The following RIPK2 variants were observed in gnomAD, a reference collection of about 807,000 sequenced individuals.
The protein encoded by RIPK2 is receptor-interacting serine/threonine-protein kinase 2.
RIPK2 carries 38 observed loss-of-function variants against 60.9 expected under a neutral mutation model. The observed-to-expected ratio is 0.62, with a 90% CI of 0.48 to 0.82. The LOEUF is 0.82. Among genes scored for constraint, RIPK2 ranks in the 40% least tolerant of loss-of-function variants. The pLI is 0.00. For missense variants in RIPK2, 518 were observed against 647.0 expected, an observed-to-expected ratio of 0.80 and a Z score of 2.16; for synonymous variants, 225 against 223.4, an observed-to-expected ratio of 1.01 and a Z score of -0.06.
intron 9 of RIPK2, among the ~76,000 whole-genome samples, chr8:89,787,604 T>C (rs1166223070): frequency 1.3e-5 from 2 of 152,212 alleles, no homozygotes; most frequent in Admixed American, 6.5e-5. Flanking sequence ...TTGGTTTAGC[T>C]AGTAAAGAAG....
intron 6 of RIPK2, among the ~76,000 whole-genome samples, chr8:89,775,720 G>A (rs1277505231): frequency 1.3e-5 from 2 of 152,154 alleles, no homozygotes; most frequent in East Asian, 3.8e-4. Context: ...CAAGAAGTTT[G>A]TAGATCTGGT....
At chr8:89,765,900 G>C (rs1417587025) in intron 3 of RIPK2, among the ~76,000 whole-genome samples, 1 of 151,692 alleles carries the variant, frequency 6.6e-6, no homozygotes, top group African/African-American at 2.4e-5. Flanking sequence ...CCAGGAATTT[G>C]ACATTAGTAC....
intron 2 of RIPK2, among the ~76,000 whole-genome samples, chr8:89,764,475 C>T (rs1809194560): frequency 6.6e-6 from 1 of 152,140 alleles, no homozygotes; most frequent in African/African-American, 2.4e-5. Flanking sequence ...TCAGTAGAAG[C>T]AGTCTTTTTC....
chr8:89,788,359 A>G (rs1809621115), intron 9 of RIPK2, among the ~76,000 whole-genome samples: 1 of 151,198 alleles, frequency 6.6e-6, no homozygotes. Context: ...AAAAAAAAAA[A>G]GTTAAAACAA....
Position 89,789,389 on chromosome 8 carries a change from AT to A in RIPK2, c.1195del (p.Ser399LeufsTer20). On this transcript the variant is annotated frameshift_variant, in exon 10 of 11. Transcript: ENST00000220751. LOFTEE classifies it high-confidence loss of function. ...TGGAAATCACAGTTGGGATAGCACC[AT>A]TTCTGGATCTCAAAGGGCTGCATTC... is the stretch of plus-strand genomic sequence containing the variant. ...CPGNHSWDST[I>X]SGSQRAAFCD... The A allele has an allele frequency of 6.2e-7, 1 of 1,614,082 alleles. No homozygotes were observed. The highest frequency in any genetic ancestry group is 8.5e-7 in the Non-Finnish European group (1 of 1,179,974).
intron 7 of RIPK2, among the ~76,000 whole-genome samples, chr8:89,783,675 G>T (rs10100184): frequency 0.19 from 28,308 of 152,030 alleles, 3,893 homozygotes; most frequent in African/African-American, 0.39. Context: ...ACTATAGATA[G>T]ACATACAATC....
chr8:89,769,612 A>G (rs1432827154), intron 3 of RIPK2, among the ~76,000 whole-genome samples, 160 bp from the exon 4 acceptor site: 5 of 151,898 alleles, frequency 3.3e-5, no homozygotes. Context: ...GTGGAATTTA[A>G]TTTTGTAAGA....
At chr8:89,771,370 G>GA (rs36010754) in intron 4 of RIPK2, among the ~76,000 whole-genome samples, 1 of 151,722 alleles carries the variant, frequency 6.6e-6, no homozygotes, top group East Asian at 1.9e-4. Flanking sequence ...GCTGAGAGCA[G>GA]AAAAAAGGCA....
At chr8:89,788,032 G>T (rs1296590857) in intron 9 of RIPK2, among the ~76,000 whole-genome samples, 1 of 152,108 alleles carries the variant, frequency 6.6e-6, no homozygotes, top group African/African-American at 2.4e-5. Flanking sequence ...GAACATTGGT[G>T]CCATTAAAAG....
In RIPK2 at chr8:89,780,082, A is replaced by G; in HGVS notation, c.861A>G (p.Leu287=). 1 of 1,510,496 alleles carries G rather than the reference A, an allele frequency of 6.6e-7. No homozygotes were observed. The highest frequency in any genetic ancestry group is 9.1e-7 in the Non-Finnish European group (1 of 1,099,766). 93.6% of individuals were successfully genotyped at this position (1,510,496 alleles called of 1,614,324 possible). A position where few individuals can be genotyped will look rare whatever the true frequency, so the allele number is the denominator to read the frequency against. ...PDERPSFLKC[L]IELEPVLRTF... ...TTTTTTTCTCTTATGTAGAATGTTT[A>G]ATAGAACTTGAACCAGTTTTGAGAA... is the stretch of plus-strand genomic sequence containing the variant. Residue 287 remains leucine, a synonymous_variant, in exon 7 of 11, where the codon TTA becomes TTG. Coordinates refer to ENST00000220751, the MANE Select transcript of RIPK2 (RefSeq NM_003821.6).
At chr8:89,764,253 T>A (rs1268265135) in intron 2 of RIPK2, among the ~76,000 whole-genome samples, 1 of 152,180 alleles carries the variant, frequency 6.6e-6, no homozygotes, top group African/African-American at 2.4e-5. Flanking sequence ...CCACGTCAGC[T>A]TTTTGTGTTT....
In RIPK2 at chr8:89,758,075, C is replaced by A. The variant is rs1032312777; in HGVS notation, c.15C>A (p.Ala5=). 5.0e-6 allele frequency: 8 copies of A among 1,602,610 alleles called. No homozygotes were observed. The highest frequency in any genetic ancestry group is 1.1e-5 in the South Asian group (1 of 89,354). Residue 5 remains alanine, a synonymous_variant, in exon 1 of 11, where the codon GCC becomes GCA. Coordinates refer to ENST00000220751, the MANE Select transcript of RIPK2 (RefSeq NM_003821.6). ...CGCCCGGGACCATGAACGGGGAGGC[C>A]ATCTGCAGCGCCCTGCCCACCATTC... is the stretch of plus-strand genomic sequence containing the variant. MNGE[A]ICSALPTIPY...
chr8:89,787,789 G>T (rs1383278538), intron 9 of RIPK2, among the ~76,000 whole-genome samples: 1 of 152,140 alleles, frequency 6.6e-6, no homozygotes, highest in Non-Finnish European at 1.5e-5. Context: ...GCTGGAATGT[G>T]TAGGATATTT....
chr8:89,768,590 A>T (rs923272809), intron 3 of RIPK2, among the ~76,000 whole-genome samples: 5 of 151,376 alleles, frequency 3.3e-5, no homozygotes, highest in South Asian at 2.1e-4. Flanking sequence ...GTCCTTAAAA[A>T]TTTTTCTGAA....
At chr8:89,777,807 C>A (rs1809423808) in intron 6 of RIPK2, among the ~76,000 whole-genome samples, 1 of 152,000 alleles carries the variant, frequency 6.6e-6, no homozygotes, top group African/African-American at 2.4e-5. Flanking sequence ...ACTGCCTATA[C>A]AGCCTGTCAG....
intron 6 of RIPK2, among the ~76,000 whole-genome samples, chr8:89,773,999 G>A (rs1249776466): frequency 6.6e-6 from 1 of 152,090 alleles, no homozygotes; most frequent in Non-Finnish European, 1.5e-5. Flanking sequence ...AGGATCACTT[G>A]AGCCCAGGAG....
chr8:89,771,643 A>G, intron 4 of RIPK2, 98 bp from the exon 5 acceptor site: 1 of 722,212 alleles, frequency 1.4e-6, no homozygotes, highest in South Asian at 1.9e-5. Context: ...CACTTTGAAA[A>G]ATGGTATCTT....
Position 89,762,912 on chromosome 8 carries a change from A to G in RIPK2, c.257A>G (p.Asn86Ser), listed in dbSNP as rs1809169505. ...ATTCTTCCAATTTTGGGAATTTGCA[A>G]TGAGCCTGAATTTTTGGGAATAGTT... is the stretch of plus-strand genomic sequence containing the variant. ...SYILPILGIC[N>S]EPEFLGIVTE... Residue 86 changes from asparagine (N) to serine (S), a missense_variant, in exon 2 of 11, where the codon AAT (asparagine) becomes AGT (serine). By Grantham distance (46) the Asn-to-Ser change is conservative. This residue lies in a region of RIPK2 where 448 missense variants were observed against 534.7 expected (regional missense o/e 0.84). Transcript: ENST00000220751. 7.2e-6 allele frequency: 11 copies of G among 1,537,246 alleles called. No homozygotes were observed. The highest frequency in any genetic ancestry group is 1.7e-4 in the Middle Eastern group (1 of 5,818).
intron 8 of RIPK2, 45 bp downstream of exon 8, chr8:89,784,184 T>C: frequency 8.4e-7 from 1 of 1,195,982 alleles, no homozygotes; most frequent in Non-Finnish European, 1.1e-6. Context: ...AAACTCAAAA[T>C]GTGAGAAGAA....
Sources: allele counts gnomAD v4.1 joint callset (sites outside exome capture counted in the v4.1 genomes callset), GRCh38; gene constraint gnomAD v4.1.1; regional missense constraint gnomAD v4.1.1; transcripts MANE v1.5; gene names NCBI Gene and HGNC (gene_info 2026-07-23, HGNC 2026-07-21).